ADRA1B: variants seen among roughly 807,000 people sequenced by gnomAD.
The protein encoded by ADRA1B is alpha-1B adrenergic receptor.
In ADRA1B, 17 loss-of-function variants were observed where a neutral mutation model predicts 17.9. That is an observed-to-expected ratio of 0.95 (90% CI 0.65 to 1.42). The LOEUF (loss-of-function observed/expected upper bound fraction) is 1.42, where lower values mean the gene tolerates loss of function less well. ADRA1B is among the 40% of genes most tolerant of loss of function. ADRA1B has a pLI of 0.00. For missense variants in ADRA1B, 681 were observed against 722.1 expected, an observed-to-expected ratio of 0.94 and a Z score of 0.65; for synonymous variants, 366 against 327.6, an observed-to-expected ratio of 1.12 and a Z score of -1.27.
rs10522262 is a variant in ADRA1B at position 159,963,288 on chromosome 5, G to GTATATATATATATATATATATATA, written c.950-8570_950-8569insATATATATATATATATATATATAT. 5.2e-3 allele frequency among the ~76,000 whole-genome samples: 692 copies of GTATATATATATATATATATATATA among 132,438 alleles called. 7 individuals are homozygous for GTATATATATATATATATATATATA. The highest frequency in any genetic ancestry group is 0.012 in the Middle Eastern group (3 of 254). 86.9% of individuals were successfully genotyped at this position (132,438 alleles called of 152,430 possible). ...ACTTGACAGTGAATAAACAAAAAAA[G>GTATATATATATATATATATATATA]TATATATATATATATATATATCCAC... On this transcript the variant is annotated intron_variant, in intron 1 of 1. Transcript: ENST00000306675.
intron 1 of ADRA1B, chr5:159,871,127 T>C (rs547120481): frequency 6.6e-6 from 1 of 152,328 alleles, no homozygotes; most frequent in South Asian, 2.1e-4. Context: ...CCTAGCAGCT[T>C]AGCCATCAAT....
chr5:159,905,101 T>C (rs1754146528), intron 1 of ADRA1B, among the ~76,000 whole-genome samples: 2 of 152,290 alleles, frequency 1.3e-5, no homozygotes, highest in South Asian at 2.1e-4. Context: ...AAATAGGACA[T>C]TGGTAGAATT....
the ADRA1B span, among the ~76,000 whole-genome samples, chr5:159,988,323 T>C: frequency 9.2e-4 from 140 of 152,330 alleles, 2 homozygotes; most frequent in African/African-American, 3.2e-3. Context: ...TGCTGACACC[T>C]TGACTTTAGC....
chr5:159,964,836 G>A (rs903996680), intron 1 of ADRA1B, among the ~76,000 whole-genome samples: 6 of 152,146 alleles, frequency 3.9e-5, no homozygotes, highest in Admixed American at 2.6e-4. Context: ...TGGTAACAGC[G>A]GTGCTGGCAG....
At chr5:159,956,286 T>C (rs1194473234) in intron 1 of ADRA1B, among the ~76,000 whole-genome samples, 1 of 152,148 alleles carries the variant, frequency 6.6e-6, no homozygotes, top group Non-Finnish European at 1.5e-5. Flanking sequence ...GAATTTTAAA[T>C]ACAAAGTGAA....
At chr5:159,974,260 C>G (rs1219573685), downstream of ADRA1B, among the ~76,000 whole-genome samples, 1 of 152,180 alleles carries the variant, frequency 6.6e-6, no homozygotes, top group Non-Finnish European at 1.5e-5. Flanking sequence ...TTGCAAATGC[C>G]TTCCTCATGA....
At position 159,917,490 on chromosome 5, in the gene ADRA1B, C is replaced by T. The variant is rs1422338499; in HGVS notation, c.585C>T (p.Cys195=). The change falls in exon 1 of 2, where the codon TGC becomes TGT. Residue 195 remains cysteine (C), a synonymous_variant. Coordinates refer to ENST00000306675, the MANE Select transcript of ADRA1B (RefSeq NM_000679.4). ...KEPAPNDDKE[C]GVTEEPFYAL... ...CGGCACCCAACGATGACAAGGAGTG[C>T]GGGGTCACCGAAGAACCCTTCTATG... The T allele has an allele frequency of 8.1e-6, 13 of 1,614,004 alleles. No individual in the cohort carries two copies. Among genetic ancestry groups the T allele is most frequent in the South Asian group, 4.4e-5 (4 of 91,056 alleles).
intron 1 of ADRA1B, among the ~76,000 whole-genome samples, chr5:159,963,164 G>A (rs908630039): frequency 1.4e-4 from 21 of 150,240 alleles, no homozygotes; most frequent in African/African-American, 5.1e-4. Context: ...CACAGAGAAG[G>A]AAAATTCACC....
intron 1 of ADRA1B, among the ~76,000 whole-genome samples, chr5:159,933,362 C>T (rs577281498): frequency 6.6e-6 from 1 of 152,256 alleles, no homozygotes; most frequent in African/African-American, 2.4e-5. Flanking sequence ...GGCAGACTCC[C>T]GGGAAAGGCC....
chr5:159,921,210 C>T (rs982072799), intron 1 of ADRA1B, among the ~76,000 whole-genome samples: 1 of 152,170 alleles, frequency 6.6e-6, no homozygotes, highest in Non-Finnish European at 1.5e-5. Context: ...CCAATGTCCT[C>T]CCCACCCTTT....
chr5:159,903,444 AT>A (rs1161244480), intron 1 of ADRA1B, among the ~76,000 whole-genome samples: 3 of 152,146 alleles, frequency 2.0e-5, no homozygotes, highest in Non-Finnish European at 4.4e-5. Context: ...TTTAACTACT[AT>A]TTTTGTTATT....
Position 159,972,133 on chromosome 5 carries a change from T to C in ADRA1B, c.1204T>C (p.Ser402Pro). 7.5e-7 allele frequency: 1 copy of C among 1,333,330 alleles called. No individual in the cohort carries two copies. The highest frequency in any genetic ancestry group is 2.0e-5 in the South Asian group (1 of 50,552). The allele number at this position is 1,333,330 out of a possible 1,614,324, so 82.6% of individuals were successfully genotyped here. A position where few individuals can be genotyped will look rare whatever the true frequency, so the allele number is the denominator to read the frequency against. ...TRGGSLERSQSRKDSLDDSGS... is the reference protein window; with the variant it reads ...TRGGSLERSQPRKDSLDDSGS... ...CGGCGGCTCGCTGGAGCGCTCGCAG[T>C]CGCGCAAGGACTCGCTGGACGACAG... The change falls in exon 2 of 2, where the codon TCG (serine) becomes CCG (proline). Residue 402 changes from serine to proline, a missense_variant. Transcript: ENST00000306675.
chr5:159,988,977 T>C, the ADRA1B span, among the ~76,000 whole-genome samples: 1 of 152,214 alleles, frequency 6.6e-6, no homozygotes, highest in Non-Finnish European at 1.5e-5. Context: ...AGGATGGGCA[T>C]ATAAATATCT....
chr5:159,877,162 G>C (rs534206984), intron 1 of ADRA1B, among the ~76,000 whole-genome samples: 1 of 152,050 alleles, frequency 6.6e-6, no homozygotes, highest in Non-Finnish European at 1.5e-5. Context: ...GCCCCTTTTC[G>C]CCTTCTCAGA....
At chr5:159,942,674 G>C (rs1382134836) in intron 1 of ADRA1B, among the ~76,000 whole-genome samples, 1 of 152,042 alleles carries the variant, frequency 6.6e-6, no homozygotes, top group Non-Finnish European at 1.5e-5. Flanking sequence ...ACAAATTGTT[G>C]GGGGGAGAAA....
chr5:159,881,299 T>TCTCTCTGTC (rs1753859513), intron 1 of ADRA1B, among the ~76,000 whole-genome samples: 3 of 131,982 alleles, frequency 2.3e-5, no homozygotes, highest in Non-Finnish European at 3.3e-5. Context: ...TATCAGAAAG[T>TCTCTCTGTC]TCTCTCTCTC....
intron 1 of ADRA1B, among the ~76,000 whole-genome samples, chr5:159,953,372 T>TA (rs921265301): frequency 1.1e-4 from 17 of 150,816 alleles, no homozygotes; most frequent in African/African-American, 3.2e-4. Flanking sequence ...AAATAAAAAA[T>TA]AAAAAAAAAG....
chr5:159,948,680 T>C (rs994464377), intron 1 of ADRA1B, among the ~76,000 whole-genome samples: 39 of 152,230 alleles, frequency 2.6e-4, no homozygotes, highest in Non-Finnish European at 1.3e-4. Flanking sequence ...CTTGACGTAT[T>C]ATGAACACGT....
intron 1 of ADRA1B, among the ~76,000 whole-genome samples, chr5:159,937,949 C>G (rs1384334853): frequency 1.3e-5 from 2 of 152,190 alleles, no homozygotes; most frequent in Admixed American, 1.3e-4. Context: ...CCCCCCAGGT[C>G]ATGACACTGC....
Sources: allele counts gnomAD v4.1 joint callset (sites outside exome capture counted in the v4.1 genomes callset), GRCh38; gene constraint gnomAD v4.1.1; transcripts MANE v1.5; gene names NCBI Gene and HGNC (gene_info 2026-07-23, HGNC 2026-07-21).